ZNF391: variants seen among roughly 807,000 people sequenced by gnomAD.
ZNF391 encodes zinc finger protein 391.
For synonymous variants in ZNF391, 126 were observed against 142.1 expected (o/e 0.89, Z 0.80); for missense variants, 375 against 425.5 (o/e 0.88, Z 1.04).
Position 27,400,328 on chromosome 6 carries a change from C to T in ZNF391, c.-43C>T. ...TTGAGCTGAACCAAAGCATCAACAC[C>T]AATCAGACTGTTTCCGAAGAACTAG... is the stretch of plus-strand genomic sequence containing the variant. On this transcript the variant is annotated 5_prime_UTR_variant, in exon 3 of 3. Coordinates refer to ENST00000244576, the MANE Select transcript of ZNF391 (RefSeq NM_001076781.3). The T allele has an allele frequency of 6.7e-7, 1 of 1,489,226 alleles. No homozygotes were observed. Among genetic ancestry groups the T allele is most frequent in the Non-Finnish European group, 9.1e-7 (1 of 1,099,110 alleles). 92.3% of individuals were successfully genotyped at this position (1,489,226 alleles called of 1,614,324 possible).
intron 1 of ZNF391, among the ~76,000 whole-genome samples, chr6:27,377,702 C>A (rs1382729217): frequency 6.6e-6 from 1 of 152,206 alleles, no homozygotes. Context: ...GCCCTGACCA[C>A]CTTGGGTACA....
chr6:27,387,515 G>A (rs577706199), upstream of ZNF391, among the ~76,000 whole-genome samples: 2 of 152,278 alleles, frequency 1.3e-5, no homozygotes, highest in Non-Finnish European at 2.9e-5. Flanking sequence ...CACTGTTTGT[G>A]TATAAACACA....
Position 27,401,362 on chromosome 6 carries a change from A to G in ZNF391, c.992A>G (p.Lys331Arg). The change falls in exon 3 of 3, where the codon AAG becomes AGG. Residue 331 changes from lysine (K) to arginine (R), a missense_variant. By Grantham distance (26) the Lys-to-Arg change is conservative. Coordinates refer to ENST00000244576, the MANE Select transcript of ZNF391 (RefSeq NM_001076781.3). ...IIHQRTHTGE[K>R]PYKCNDCGKA... ...CATCAGAGAACTCATACCGGGGAGA[A>G]GCCGTACAAATGTAATGACTGTGGA... 3.1e-6 allele frequency: 5 copies of G among 1,614,068 alleles called. No homozygotes were observed. The highest frequency in any genetic ancestry group is 8.5e-7 in the Non-Finnish European group (1 of 1,180,026).
chr6:27,389,240 C>T, intron 1 of ZNF391, 165 bp downstream of exon 1: 1 of 456,578 alleles, frequency 2.2e-6, no homozygotes, highest in Non-Finnish European at 4.4e-6. Context: ...GTCTCACTGG[C>T]GGGCCAGCCT....
rs185228307 is a variant in ZNF391 at position 27,381,651 on chromosome 6, A to T, written n.523+6514A>T. On this transcript the variant is annotated intron_variant and non_coding_transcript_variant, in intron 1 of 2. Transcript: ENST00000477999. ...CTACTTAGGAGGCTGAGGTGGGAGGATTGCTTGACCCAGGAGGAGGAGGCT... is the reference window on the plus strand; with the variant it reads ...CTACTTAGGAGGCTGAGGTGGGAGGTTTGCTTGACCCAGGAGGAGGAGGCT... Among the ~76,000 whole-genome samples, 25 of 152,254 alleles carry T rather than the reference A, an allele frequency of 1.6e-4. No homozygotes were observed. In the East Asian group the frequency reaches 2.3e-3, roughly 14 times the overall value.
Position 27,400,586 on chromosome 6 carries a change from C to A in ZNF391, c.216C>A (p.Asp72Glu). The A allele has an allele frequency of 1.9e-6, 3 of 1,614,174 alleles. No individual in the cohort carries two copies. Among genetic ancestry groups the A allele is most frequent in the Non-Finnish European group, 2.5e-6 (3 of 1,180,038 alleles). The change falls in exon 3 of 3, where the codon GAC becomes GAA. Residue 72 changes from aspartate to glutamate, a missense_variant. Coordinates refer to ENST00000244576, the MANE Select transcript of ZNF391 (RefSeq NM_001076781.3). ...SSEFSLSPNLDAQQKIPKGHG... is the reference protein window; with the variant it reads ...SSEFSLSPNLEAQQKIPKGHG... ...AATTTAGTCTAAGCCCAAACCTTGA[C>A]GCACAACAGAAAATTCCAAAGGGAC...
chr6:27,377,371 T>C (rs1046468913), intron 1 of ZNF391, among the ~76,000 whole-genome samples: 6 of 152,178 alleles, frequency 3.9e-5, no homozygotes, highest in African/African-American at 1.2e-4. Context: ...AAGGAAAATA[T>C]CTTGTGCCCC....
chr6:27,398,299 G>A (rs1761873013), intron 1 of ZNF391, among the ~76,000 whole-genome samples: 1 of 152,174 alleles, frequency 6.6e-6, no homozygotes, highest in Non-Finnish European at 1.5e-5. Context: ...AAGAGGAGGG[G>A]TTAAACAAGC....
rs1762025032 is a variant in ZNF391 at position 27,403,477 on chromosome 6, TCTC to T, written c.*2033_*2035del. The T allele has an allele frequency of 6.6e-6, 1 of 152,222 alleles. No individual in the cohort carries two copies. The highest frequency in any genetic ancestry group is 2.1e-4 in the South Asian group (1 of 4,830). 9.4% of individuals were successfully genotyped at this position (152,222 alleles called of 1,614,324 possible). A position where few individuals can be genotyped will look rare whatever the true frequency, so the allele number is the denominator to read the frequency against. ...CCTTTGTAGTGATGGTTTGCATTAT[TCTC>T]CTGTATTAGACACCTTCTTTACTGT... On this transcript the variant is annotated 3_prime_UTR_variant, in exon 3 of 3. Transcript: ENST00000244576.
chr6:27,391,201 C>CTTTTTTTTTTTT (rs386406591), intron 1 of ZNF391: 5 of 97,278 alleles, frequency 5.1e-5, no homozygotes, highest in Non-Finnish European at 9.7e-5. Flanking sequence ...ATTCATTGTA[C>CTTTTTTTTTTTT]TTTTTTTTTT....
Position 27,401,040 on chromosome 6 carries a change from A to G in ZNF391, c.670A>G (p.Asn224Asp). 1.2e-6 allele frequency: 2 copies of G among 1,614,232 alleles called. No homozygotes were observed. The highest frequency in any genetic ancestry group is 2.2e-5 in the East Asian group (1 of 44,892). The stretch of plus-strand genomic sequence containing the variant: ...TACTCAAGAAAGGCCTTACAAATGT[A>G]ATGAATGTGGGAAAGCCTTCGGTGA... The part of the protein sequence containing the change: ...THTQERPYKC[N>D]ECGKAFGDRS... Residue 224 changes from asparagine (N) to aspartate (D), a missense_variant, in exon 3 of 3, where the codon AAT (asparagine) becomes GAT (aspartate). Physicochemically the swap from Asn to Asp is conservative, Grantham distance 23. Transcript: ENST00000244576.
chr6:27,389,188 T>G lies in ZNF391; in HGVS notation c.-188+113T>G, dbSNP rs775737610. On this transcript the variant is annotated intron_variant, in intron 1 of 2. Transcript: ENST00000244576. ...TCGGGTCAGGAGGCACCTCCACGGTTGGGACGCCGCGTGGCGTGGGGTCAT... is the reference window on the plus strand; with the variant it reads ...TCGGGTCAGGAGGCACCTCCACGGTGGGGACGCCGCGTGGCGTGGGGTCAT... 2.2e-5 allele frequency: 10 copies of G among 456,590 alleles called. No individual in the cohort carries two copies. In the East Asian group the frequency reaches 4.2e-4, roughly 19 times the overall value. The allele number at this position is 456,590 out of a possible 1,614,324, so 28.3% of individuals were successfully genotyped here. A position where few individuals can be genotyped will look rare whatever the true frequency, so the allele number is the denominator to read the frequency against.
At chr6:27,378,705 G>C (rs997879348) in intron 1 of ZNF391, among the ~76,000 whole-genome samples, 16 of 152,226 alleles carry the variant, frequency 1.1e-4, no homozygotes, top group African/African-American at 3.6e-4. Flanking sequence ...GGGCTCAGAG[G>C]CCTGACAGTC....
rs1761965472 is a variant in ZNF391, at chr6:27,401,394, T to G, written c.1024T>G (p.Phe342Val). ...PYKCNDCGKA[F>V]CQSSTLIRHQ... ...CAAATGTAATGACTGTGGAAAAGCCTTCTGTCAGAGTTCAACTCTGATCAG... is the reference window on the plus strand; with the variant it reads ...CAAATGTAATGACTGTGGAAAAGCCGTCTGTCAGAGTTCAACTCTGATCAG... The change falls in exon 3 of 3, where the codon TTC becomes GTC. Residue 342 changes from phenylalanine (F) to valine (V), a missense_variant. Transcript: ENST00000244576. The G allele has an allele frequency of 1.9e-6, 3 of 1,613,056 alleles. No homozygotes were observed. The African/African-American group carries it at 4.0e-5, about 21-fold the overall frequency.
upstream of ZNF391, among the ~76,000 whole-genome samples, chr6:27,387,739 G>A (rs1272070315): frequency 6.6e-6 from 1 of 152,198 alleles, no homozygotes; most frequent in African/African-American, 2.4e-5. Context: ...GTGGGGAGCA[G>A]GGAATAGAGA....
intron 1 of ZNF391, among the ~76,000 whole-genome samples, chr6:27,377,520 A>G (rs1761435710): frequency 6.6e-6 from 1 of 152,246 alleles, no homozygotes; most frequent in African/African-American, 2.4e-5. Context: ...CAGAAACTCA[A>G]AAAATGTAAC....
intron 1 of ZNF391, among the ~76,000 whole-genome samples, chr6:27,392,272 AGAT>A (rs762631164): frequency 2.6e-5 from 4 of 151,830 alleles, no homozygotes; most frequent in Non-Finnish European, 5.9e-5. Flanking sequence ...ATTTTTTTTG[AGAT>A]GATGGAGTCT....
chr6:27,386,633 G>A (rs1761587508), upstream of ZNF391, among the ~76,000 whole-genome samples: 1 of 152,078 alleles, frequency 6.6e-6, no homozygotes, highest in Admixed American at 6.5e-5. Context: ...TTTTCAACAA[G>A]TGCCAAGACC....
chr6:27,388,027 G>A (rs565328867), upstream of ZNF391, among the ~76,000 whole-genome samples: 13 of 152,106 alleles, frequency 8.5e-5, no homozygotes, highest in South Asian at 2.1e-4. Context: ...TATGGTACTT[G>A]TGCACAGCTG....
Sources: allele counts gnomAD v4.1 joint callset (sites outside exome capture counted in the v4.1 genomes callset), GRCh38; gene constraint gnomAD v4.1.1; transcripts MANE v1.5; gene names NCBI Gene and HGNC (gene_info 2026-07-23, HGNC 2026-07-21).